TRABD2B: variants seen among roughly 807,000 people sequenced by gnomAD.
The protein encoded by TRABD2B is metalloprotease TIKI2.
TRABD2B carries 14 observed loss-of-function variants against 40.1 expected under a neutral mutation model. The ratio of observed to expected loss-of-function variants is 0.35; its 90% confidence interval spans 0.23 to 0.55. TRABD2B has a LOEUF of 0.55. TRABD2B is among the 20% of genes least tolerant of loss of function. TRABD2B has a pLI of 0.90. For missense variants in TRABD2B, 541 were observed against 648.6 expected, an observed-to-expected ratio of 0.83 and a Z score of 1.80; for synonymous variants, 263 against 277.0, an observed-to-expected ratio of 0.95 and a Z score of 0.50.
At chr1:47,780,437 C>T (rs1387318217) in intron 4 of TRABD2B, among the ~76,000 whole-genome samples, 1 of 152,146 alleles carries the variant, frequency 6.6e-6, no homozygotes, top group African/African-American at 2.4e-5. Context: ...TTAATGAACA[C>T]TGCCTAGGTG....
At chr1:47,949,176 A>C (rs1645303826) in intron 2 of TRABD2B, among the ~76,000 whole-genome samples, 1 of 152,142 alleles carries the variant, frequency 6.6e-6, no homozygotes, top group African/African-American at 2.4e-5. Context: ...TGGGACAGAC[A>C]CTATTCTAAG....
chr1:47,854,878 G>A (rs917878833), intron 2 of TRABD2B, among the ~76,000 whole-genome samples: 2 of 152,156 alleles, frequency 1.3e-5, no homozygotes, highest in African/African-American at 4.8e-5. Flanking sequence ...TATGCCTTTG[G>A]AGTCACATGT....
At chr1:47,878,054 C>T (rs915902444) in intron 2 of TRABD2B, among the ~76,000 whole-genome samples, 4 of 150,786 alleles carry the variant, frequency 2.7e-5, no homozygotes, top group African/African-American at 7.3e-5. Context: ...GTGGCTTACG[C>T]CTGTAATCCC....
intron 2 of TRABD2B, among the ~76,000 whole-genome samples, chr1:47,895,442 C>G (rs1331234073): frequency 6.6e-6 from 1 of 151,904 alleles, no homozygotes; most frequent in Non-Finnish European, 1.5e-5. Context: ...TGGGACTGCC[C>G]AGCCTGGACC....
chr1:47,802,312 C>T (rs1475756322), intron 2 of TRABD2B, among the ~76,000 whole-genome samples: 1 of 152,156 alleles, frequency 6.6e-6, no homozygotes, highest in Admixed American at 6.5e-5. Flanking sequence ...TTAACAGGAT[C>T]CCTGCACACT....
At chr1:47,839,370 A>ACACTCACC (rs1200734062) in intron 2 of TRABD2B, among the ~76,000 whole-genome samples, 1 of 151,970 alleles carries the variant, frequency 6.6e-6, no homozygotes, top group Non-Finnish European at 1.5e-5. Context: ...CCACACACAC[A>ACACTCACC]CACTCACCCA....
chr1:47,933,569 C>T (rs1262038408), intron 2 of TRABD2B, among the ~76,000 whole-genome samples: 2 of 152,178 alleles, frequency 1.3e-5, no homozygotes, highest in Non-Finnish European at 2.9e-5. Context: ...TGCCATTCTC[C>T]ACTTTGATGT....
intron 2 of TRABD2B, among the ~76,000 whole-genome samples, chr1:47,989,075 T>C (rs961309338): frequency 6.6e-6 from 1 of 152,192 alleles, no homozygotes; most frequent in Admixed American, 6.5e-5. Flanking sequence ...TTCCACCATG[T>C]AAATACACAG....
chr1:47,991,190 T>C (rs1027876476), intron 2 of TRABD2B, among the ~76,000 whole-genome samples: 2 of 152,128 alleles, frequency 1.3e-5, no homozygotes, highest in Non-Finnish European at 2.9e-5. Context: ...ATTAGCCACG[T>C]GACCTTGGGC....
rs1055797926 is a variant in TRABD2B at position 47,996,509 on chromosome 1, T to A, written c.102+179A>T. Among the ~76,000 whole-genome samples, 1 of 152,074 alleles carries A rather than the reference T, an allele frequency of 6.6e-6. No individual in the cohort carries two copies. Among genetic ancestry groups the A allele is most frequent in the South Asian group, 2.1e-4 (1 of 4,818 alleles). ...GAGAGGGAGCGCCCCTTCTCGCTCC[T>A]GGCTGGGAGCTGGAGCCGGGACAGG... On this transcript the variant is annotated intron_variant, in intron 1 of 6. Transcript: ENST00000606738. This position sits in a 1 kb window ranked among gnomAD's most constrained non-coding sequence, Gnocchi z 4.6.
chr1:47,817,363 A>C (rs1645048191), intron 2 of TRABD2B, among the ~76,000 whole-genome samples: 1 of 151,976 alleles, frequency 6.6e-6, no homozygotes, highest in African/African-American at 2.4e-5. Context: ...GCCAGGGCAA[A>C]AGCAACAGAA....
At chr1:47,863,228 T>C (rs957707091) in intron 2 of TRABD2B, among the ~76,000 whole-genome samples, 2 of 149,972 alleles carry the variant, frequency 1.3e-5, no homozygotes, top group Non-Finnish European at 3.0e-5. Flanking sequence ...TTTATTAAAA[T>C]AAAAAATCTG....
intron 2 of TRABD2B, among the ~76,000 whole-genome samples, chr1:47,812,617 G>C (rs1644980520): frequency 6.6e-6 from 1 of 152,188 alleles, no homozygotes; most frequent in Non-Finnish European, 1.5e-5. Context: ...TACGCAGCAG[G>C]CTAAGGTGAG....
chr1:47,795,413 C>T (rs1444389443), intron 3 of TRABD2B, among the ~76,000 whole-genome samples: 1 of 152,198 alleles, frequency 6.6e-6, no homozygotes, highest in African/African-American at 2.4e-5. Context: ...TAACTGCTCT[C>T]ACTTCACCGC....
intron 2 of TRABD2B, among the ~76,000 whole-genome samples, chr1:47,973,025 G>C (rs1645703805): frequency 6.6e-6 from 1 of 152,200 alleles, no homozygotes; most frequent in African/African-American, 2.4e-5. Flanking sequence ...CCTAGACAGA[G>C]ATCATGGCTC....
In TRABD2B at chr1:47,997,164, C is replaced by T; in HGVS notation, c.-375G>A. The T allele has an allele frequency of 1.0e-6, 1 of 983,354 alleles. No individual in the cohort carries two copies. Among genetic ancestry groups the T allele is most frequent in the Non-Finnish European group, 1.2e-6 (1 of 829,232 alleles). The allele number at this position is 983,354 out of a possible 1,614,324, so 60.9% of individuals were successfully genotyped here. A position where few individuals can be genotyped will look rare whatever the true frequency, so the allele number is the denominator to read the frequency against. On this transcript the variant is annotated 5_prime_UTR_variant, in exon 1 of 7. Transcript: ENST00000606738. ...GAGAACCCGGGGTGCGCAAGGGTCC[C>T]GGGGTTATGCTGGGCACCCGGGGCA...
chr1:47,771,705 G>A (rs910141382), intron 6 of TRABD2B, among the ~76,000 whole-genome samples: 24 of 152,310 alleles, frequency 1.6e-4, no homozygotes, highest in Non-Finnish European at 2.8e-4. Context: ...GGCTCTCAGC[G>A]GTGGGGGTTC....
At chr1:47,802,773 C>G (rs7543549) in intron 2 of TRABD2B, among the ~76,000 whole-genome samples, 8 of 151,934 alleles carry the variant, frequency 5.3e-5, no homozygotes, top group Non-Finnish European at 8.8e-5. Context: ...GGGCACACCC[C>G]CTCCCTTCTC....
intron 2 of TRABD2B, among the ~76,000 whole-genome samples, chr1:47,949,005 A>T (rs1645300550): frequency 6.6e-6 from 1 of 152,176 alleles, no homozygotes. Context: ...ATAAATAAGA[A>T]AACTGAGGTT....
Sources: gnomAD v4.1 joint callset for allele counts (sites outside exome capture counted in the v4.1 genomes callset) on GRCh38, gnomAD v4.1.1 for gene constraint, Gnocchi (gnomAD v3.1) non-coding constraint, MANE v1.5 for transcripts, NCBI Gene and HGNC (gene_info 2026-07-23, HGNC 2026-07-21) for gene names.